Variants in CARMIL1 observed in about 807,000 individuals in gnomAD.
CARMIL1 encodes the protein capping protein regulator and myosin 1 linker 1.
CARMIL1 carries 90 observed loss-of-function variants against 177.1 expected under a neutral mutation model. That is an observed-to-expected ratio of 0.51 (90% CI 0.43 to 0.61). CARMIL1 has a LOEUF of 0.61. Among genes scored for constraint, CARMIL1 ranks in the 20% least tolerant of loss-of-function variants. The pLI, the probability that CARMIL1 is intolerant of heterozygous loss-of-function variation, is 0.00. For synonymous variants in CARMIL1, 577 were observed against 606.2 expected (o/e 0.95, Z 0.71); for missense variants, 1,380 against 1,667.0 (o/e 0.83, Z 3.00).
intron 9 of CARMIL1, among the ~76,000 whole-genome samples, chr6:25,466,354 C>A (rs1800595948): frequency 6.6e-6 from 1 of 152,110 alleles, no homozygotes; most frequent in African/African-American, 2.4e-5. Context: ...GGTAGAGTTC[C>A]CCTGGTCGAG....
At chr6:25,363,746 T>C (rs1335618629) in intron 2 of CARMIL1, among the ~76,000 whole-genome samples, 2 of 152,134 alleles carry the variant, frequency 1.3e-5, no homozygotes, top group East Asian at 3.8e-4. Flanking sequence ...TCATGTATAG[T>C]TTTATATATA....
chr6:25,611,257 G>A (rs1816484970), intron 36 of CARMIL1, among the ~76,000 whole-genome samples: 1 of 152,210 alleles, frequency 6.6e-6, no homozygotes, highest in Admixed American at 6.5e-5. Flanking sequence ...AGATGGTTGG[G>A]TTGAGACCAA....
At chr6:25,465,783 AGGTGAACTTGGATGTCAT>A in intron 8 of CARMIL1, 72 bp from the exon 9 acceptor site, 1 of 777,440 alleles carries the variant, frequency 1.3e-6, no homozygotes, top group Admixed American at 2.0e-5. Flanking sequence ...AGAAATTAAC[AGGTGAACTTGGATGTCAT>A]GGATTAAAAA....
At chr6:25,389,976 A>G (rs72830741) in intron 2 of CARMIL1, among the ~76,000 whole-genome samples, 22,024 of 152,064 alleles carry the variant, frequency 0.14, 1,832 homozygotes, top group East Asian at 0.32. Flanking sequence ...TTCTGGTGGC[A>G]ATTGCCTAGT....
intron 29 of CARMIL1, among the ~76,000 whole-genome samples, chr6:25,572,006 G>A (rs371258243): frequency 1.4e-4 from 21 of 152,254 alleles, no homozygotes; most frequent in East Asian, 7.7e-4. Context: ...GGGACAGTTG[G>A]GGGAATTTGA....
chr6:25,560,593 C>A, intron 29 of CARMIL1, among the ~76,000 whole-genome samples: 1 of 152,066 alleles, frequency 6.6e-6, no homozygotes, highest in African/African-American at 2.4e-5. Flanking sequence ...TTCTGTTTAA[C>A]AAATGAGGAA....
Position 25,450,053 on chromosome 6 carries a change from GAAGTT to G in CARMIL1, c.469+63_469+67del, listed in dbSNP as rs1296858272. On this transcript the variant is annotated intron_variant, in intron 6 of 36. Coordinates refer to ENST00000329474, the MANE Select transcript of CARMIL1 (RefSeq NM_017640.6). ...AGCTGGATGGATATCCCCCTGCCAG[GAAGTT>G]AAGTCTATTCCTAGTGTGCTACTGT... The G allele has an allele frequency of 2.9e-6, 4 of 1,392,788 alleles. No homozygotes were observed. In the Admixed American group the frequency reaches 9.0e-5, roughly 31 times the overall value. The allele number at this position is 1,392,788 out of a possible 1,614,324, so 86.3% of individuals were successfully genotyped here. A position where few individuals can be genotyped will look rare whatever the true frequency, so the allele number is the denominator to read the frequency against.
chr6:25,395,383 C>T (rs1027505570), intron 2 of CARMIL1, among the ~76,000 whole-genome samples: 1 of 152,168 alleles, frequency 6.6e-6, no homozygotes, highest in Non-Finnish European at 1.5e-5. Context: ...AAACATCTTG[C>T]TCCAATAGCA....
chr6:25,527,541 A>G, intron 23 of CARMIL1: 1 of 324,858 alleles, frequency 3.1e-6, no homozygotes, highest in Non-Finnish European at 6.0e-6. Context: ...ATATATTTCA[A>G]GCAAGAATCT....
In CARMIL1 at chr6:25,472,522, G is replaced by T; in HGVS notation, c.874+1G>T. Reference sequence around the variant, plus strand: ...GCTGGCAACCCACTGGAGGATAGAGGTACTGCAGAGTTCTCATTATCATTG... The same window carrying T: ...GCTGGCAACCCACTGGAGGATAGAGTTACTGCAGAGTTCTCATTATCATTG... On this transcript the variant is annotated splice_donor_variant, in intron 11 of 36. Coordinates refer to ENST00000329474, the MANE Select transcript of CARMIL1 (RefSeq NM_017640.6). LOFTEE classifies it high-confidence loss of function. 1 of 1,563,210 alleles carries T rather than the reference G, an allele frequency of 6.4e-7. No individual in the cohort carries two copies. The highest frequency in any genetic ancestry group is 8.7e-7 in the Non-Finnish European group (1 of 1,151,408).
chr6:25,453,845 A>G (rs1263081029), intron 8 of CARMIL1, among the ~76,000 whole-genome samples: 2 of 152,208 alleles, frequency 1.3e-5, no homozygotes, highest in Admixed American at 6.5e-5. Context: ...GGGAGTGAAG[A>G]CACTGTAGGG....
intron 8 of CARMIL1, among the ~76,000 whole-genome samples, chr6:25,458,318 C>T (rs1307319534): frequency 6.6e-6 from 1 of 151,912 alleles, no homozygotes; most frequent in Non-Finnish European, 1.5e-5. Flanking sequence ...CATCTTAATG[C>T]TCCACTAAAA....
Position 25,279,729 on chromosome 6 carries a change from C to A in CARMIL1, c.-67C>A. 6.7e-7 allele frequency: 1 copy of A among 1,500,226 alleles called. No homozygotes were observed. Among genetic ancestry groups the A allele is most frequent in the South Asian group, 1.1e-5 (1 of 88,756 alleles). 92.9% of individuals were successfully genotyped at this position (1,500,226 alleles called of 1,614,324 possible). On this transcript the variant is annotated 5_prime_UTR_variant, in exon 1 of 37. Coordinates refer to ENST00000329474, the MANE Select transcript of CARMIL1 (RefSeq NM_017640.6). ...GCCTCTCTAAAAAAATTGAGGAGTT[C>A]GGGGAAGGGCAGGGGGCCATAAATC...
chr6:25,482,125 A>G (rs899997378), intron 11 of CARMIL1, 132 bp from the exon 12 acceptor site: 8 of 611,372 alleles, frequency 1.3e-5, no homozygotes, highest in Admixed American at 7.1e-5. Flanking sequence ...ATGTTTAGAA[A>G]ACAAAGTCTG....
intron 8 of CARMIL1, among the ~76,000 whole-genome samples, chr6:25,454,718 G>A (rs1799333305): frequency 6.6e-6 from 1 of 152,124 alleles, no homozygotes; most frequent in African/African-American, 2.4e-5. Context: ...ACTGTTCTCA[G>A]TCCTTTTAGA....
chr6:25,279,933 C>G (rs754518042), intron 1 of CARMIL1, 98 bp downstream of exon 1: 56 of 1,394,310 alleles, frequency 4.0e-5, no homozygotes, highest in Non-Finnish European at 5.3e-5. Context: ...CTCGAGAAGT[C>G]TTGGCGCCCC....
chr6:25,367,967 C>T (rs1790013534), intron 2 of CARMIL1, among the ~76,000 whole-genome samples: 1 of 152,230 alleles, frequency 6.6e-6, no homozygotes, highest in South Asian at 2.1e-4. Flanking sequence ...CCCATGTTGG[C>T]CAGGCTGGTC....
chr6:25,450,852 CCCCT>C, intron 8 of CARMIL1, 141 bp downstream of exon 8: 1 of 526,598 alleles, frequency 1.9e-6, no homozygotes, highest in Non-Finnish European at 3.3e-6. Context: ...CCCCTTCCCT[CCCCT>C]CCCTTCCCTT....
At chr6:25,599,211 T>C (rs1030727252) in intron 32 of CARMIL1, among the ~76,000 whole-genome samples, 1 of 152,210 alleles carries the variant, frequency 6.6e-6, no homozygotes, top group African/African-American at 2.4e-5. Flanking sequence ...TCACTTCCAC[T>C]TGCAGAGGTG....
Sources: allele counts gnomAD v4.1 joint callset (sites outside exome capture counted in the v4.1 genomes callset), GRCh38; gene constraint gnomAD v4.1.1; transcripts MANE v1.5; gene names NCBI Gene and HGNC (gene_info 2026-07-23, HGNC 2026-07-21).